ANXA8: variants seen among roughly 807,000 people sequenced by gnomAD.
ANXA8 encodes VAC-beta.
Under a neutral mutation model 26.8 loss-of-function variants are expected in ANXA8, and 9 were observed. The observed-to-expected ratio is 0.34, with a 90% CI of 0.20 to 0.59. ANXA8 has a LOEUF of 0.59. Among genes scored for constraint, ANXA8 ranks in the 20% least tolerant of loss-of-function variants. ANXA8 has a pLI of 0.84. For synonymous variants in ANXA8, 39 were observed against 94.8 expected (o/e 0.41, Z 3.42); for missense variants, 83 against 238.5 (o/e 0.35, Z 4.29).
chr10:47,744,432 G>T, the ANXA8 span, among the ~76,000 whole-genome samples: 16 of 58,494 alleles, frequency 2.7e-4, no homozygotes, highest in Non-Finnish European at 3.6e-4. Context: ...TTGGGGGGGA[G>T]GGGGGAAGAG....
At chr10:47,978,968 G>C in the ANXA8 span, among the ~76,000 whole-genome samples, 1 of 150,460 alleles carries the variant, frequency 6.6e-6, no homozygotes, top group Non-Finnish European at 1.5e-5. Context: ...AAAGTAATAG[G>C]ATGGAAAAAG....
chr10:47,485,497 A>T (rs1840019531), upstream of ANXA8, among the ~76,000 whole-genome samples: 1 of 152,048 alleles, frequency 6.6e-6, no homozygotes, highest in Admixed American at 6.6e-5. Flanking sequence ...CATTGGCTAT[A>T]CCTGGGCTGT....
At chr10:47,967,067 T>C in the ANXA8 span, among the ~76,000 whole-genome samples, 1 of 149,732 alleles carries the variant, frequency 6.7e-6, no homozygotes. Flanking sequence ...TCCATCTAAA[T>C]ATTTAAAAAT....
upstream of ANXA8, among the ~76,000 whole-genome samples, chr10:47,488,713 ATT>A (rs1160121365): frequency 4.2e-3 from 258 of 62,014 alleles, no homozygotes; most frequent in African/African-American, 0.016. Context: ...TACATGTTAA[ATT>A]TTTTTTTTTT....
chr10:47,649,434 G>A, the ANXA8 span, among the ~76,000 whole-genome samples: 1 of 151,444 alleles, frequency 6.6e-6, no homozygotes, highest in African/African-American at 2.4e-5. Context: ...TGGTGAAATG[G>A]AGTCTTGCTC....
At chr10:47,928,996 C>CTT in the ANXA8 span, among the ~76,000 whole-genome samples, 8 of 135,740 alleles carry the variant, frequency 5.9e-5, no homozygotes, top group Admixed American at 2.3e-4. Context: ...GCTGGTTTTC[C>CTT]TTTTTTTTTT....
chr10:47,497,324 A>C, the ANXA8 span, among the ~76,000 whole-genome samples: 54 of 126,468 alleles, frequency 4.3e-4, 2 homozygotes, highest in African/African-American at 1.6e-3. Flanking sequence ...CATCACAAAA[A>C]AAAAAAAAAG....
chr10:47,771,991 C>T, the ANXA8 span, among the ~76,000 whole-genome samples: 4 of 151,712 alleles, frequency 2.6e-5, no homozygotes, highest in African/African-American at 7.3e-5. Flanking sequence ...GATTTGCTTT[C>T]GTATTTCATT....
chr10:47,950,001 G>C, the ANXA8 span, among the ~76,000 whole-genome samples: 2 of 149,386 alleles, frequency 1.3e-5, no homozygotes, highest in African/African-American at 5.0e-5. Context: ...ACTCTATGTT[G>C]TCTGAAGACC....
chr10:47,954,832 C>T, the ANXA8 span, among the ~76,000 whole-genome samples: 5 of 151,144 alleles, frequency 3.3e-5, 1 homozygote, highest in Non-Finnish European at 7.4e-5. Context: ...AAACCCCAGA[C>T]AGTAGAATGG....
chr10:47,561,459 C>A, the ANXA8 span, among the ~76,000 whole-genome samples: 2 of 151,872 alleles, frequency 1.3e-5, no homozygotes, highest in Non-Finnish European at 2.9e-5. Context: ...CAATTTATCT[C>A]AAAGAAACTT....
chr10:47,525,917 G>A, the ANXA8 span, among the ~76,000 whole-genome samples: 1 of 128,892 alleles, frequency 7.8e-6, no homozygotes, highest in Non-Finnish European at 1.6e-5. Flanking sequence ...CGATTCTCCT[G>A]CCTCAGCCTC....
At chr10:47,559,285 C>T in the ANXA8 span, among the ~76,000 whole-genome samples, 1 of 150,928 alleles carries the variant, frequency 6.6e-6, no homozygotes, top group Non-Finnish European at 1.5e-5. Flanking sequence ...TGCCACCACA[C>T]CCAGCTAATT....
At chr10:47,707,624 C>T in the ANXA8 span, among the ~76,000 whole-genome samples, 9 of 137,802 alleles carry the variant, frequency 6.5e-5, no homozygotes, top group Non-Finnish European at 1.1e-4. Context: ...TGAGCTCAAG[C>T]GATCCTCTTG....
At chr10:47,594,545 A>G in the ANXA8 span, among the ~76,000 whole-genome samples, 68 of 134,218 alleles carry the variant, frequency 5.1e-4, no homozygotes, top group African/African-American at 2.0e-3. Context: ...GATTTGAAAG[A>G]CAACATAGTT....
the ANXA8 span, among the ~76,000 whole-genome samples, chr10:47,584,955 G>T: frequency 6.8e-6 from 1 of 147,290 alleles, no homozygotes; most frequent in Non-Finnish European, 1.5e-5. Context: ...ACGCATGGTG[G>T]CAGGCGCCTG....
chr10:47,523,143 T>G, the ANXA8 span, among the ~76,000 whole-genome samples: 3 of 120,822 alleles, frequency 2.5e-5, no homozygotes, highest in African/African-American at 3.3e-5. Flanking sequence ...GACTAAGGGG[T>G]GGGAATTCAA....
At chr10:47,743,142 G>A in the ANXA8 span, among the ~76,000 whole-genome samples, 3 of 133,406 alleles carry the variant, frequency 2.2e-5, no homozygotes, top group East Asian at 4.2e-4. Context: ...CTGCACTCCA[G>A]CCTGGGAGAC....
At chr10:47,686,194 C>T in the ANXA8 span, among the ~76,000 whole-genome samples, 1 of 150,748 alleles carries the variant, frequency 6.6e-6, no homozygotes, top group Non-Finnish European at 1.5e-5. Context: ...GATGCTGTCC[C>T]TTCCTTTTAA....
Sources: allele counts gnomAD v4.1 joint callset (sites outside exome capture counted in the v4.1 genomes callset), GRCh38; gene constraint gnomAD v4.1.1; transcripts MANE v1.5; gene names NCBI Gene and HGNC (gene_info 2026-07-23, HGNC 2026-07-21).